Variants in CAMK2B observed in about 807,000 individuals in gnomAD.
CAMK2B encodes the protein calcium/calmodulin-dependent protein kinase type II subunit beta.
A neutral mutation model predicts 93.7 loss-of-function variants in CAMK2B; 27 were observed. The ratio of observed to expected loss-of-function variants is 0.29; its 90% CI spans 0.21 to 0.40. CAMK2B has a LOEUF of 0.40. CAMK2B is among the 10% of genes least tolerant of loss of function. CAMK2B has a pLI of 1.00. For missense variants in CAMK2B, 568 were observed against 895.8 expected (o/e 0.63, Z 4.67); for synonymous variants, 374 against 358.8 (o/e 1.04, Z -0.48).
At chr7:44,313,455 G>A (rs1052098723) in intron 1 of CAMK2B, among the ~76,000 whole-genome samples, 5 of 151,800 alleles carry the variant, frequency 3.3e-5, no homozygotes, top group African/African-American at 1.2e-4. Flanking sequence ...AGTTTCTGAT[G>A]TGACAGTCCC....
chr7:44,220,848 T>A lies in CAMK2B; in HGVS notation c.1651A>T (p.Asn551Tyr). ...CACGCGTAGGCCTCAAAGTCACCGT[T>A]GTTGACGGCCTCGATGAGCTGCTCC... Reference protein sequence around the residue: ...TTEQLIEAVNNGDFEAYAKIC... With the variant: ...TTEQLIEAVNYGDFEAYAKIC... The change falls in exon 21 of 24, where the codon AAC becomes TAC. Residue 551 changes from asparagine to tyrosine, a missense_variant. By Grantham distance (143) the Asn-to-Tyr change is moderately radical (BLOSUM62 -2). Around this residue, in one of 4 missense-constraint regions of CAMK2B, gnomAD observed 116 missense variants for 188.0 expected, o/e 0.62. Coordinates refer to ENST00000395749, the MANE Select transcript of CAMK2B (RefSeq NM_001220.5). The A allele has an allele frequency of 6.4e-7, 1 of 1,571,874 alleles. No individual in the cohort carries two copies. Among genetic ancestry groups the A allele is most frequent in the Non-Finnish European group, 8.6e-7 (1 of 1,157,662 alleles).
At chr7:44,306,758 G>T (rs1791662231) in intron 1 of CAMK2B, among the ~76,000 whole-genome samples, 2 of 151,124 alleles carry the variant, frequency 1.3e-5, no homozygotes, top group Non-Finnish European at 3.0e-5. Context: ...GGTGTGGGCA[G>T]GGGGAGGAGG....
intron 18 of CAMK2B, 142 bp from the exon 19 acceptor site, chr7:44,229,066 A>G (rs1036054095): frequency 1.2e-6 from 1 of 815,776 alleles, no homozygotes; most frequent in African/African-American, 1.7e-5. Flanking sequence ...GCCTGCCTCA[A>G]TAGCAGGGAG....
chr7:44,298,908 G>A (rs960369570), intron 1 of CAMK2B, among the ~76,000 whole-genome samples: 20 of 152,038 alleles, frequency 1.3e-4, no homozygotes, highest in Non-Finnish European at 5.9e-5. Context: ...TGTTGGTGAG[G>A]GTGTAGAGGA....
chr7:44,263,209 G>A (rs934415129), intron 2 of CAMK2B, 145 bp from the exon 3 acceptor site: 50 of 688,260 alleles, frequency 7.3e-5, no homozygotes, highest in Middle Eastern at 7.6e-4. Context: ...AACACCCTTC[G>A]TGGCACCCCC....
intron 19 of CAMK2B, among the ~76,000 whole-genome samples, chr7:44,227,807 G>A (rs1241027167): frequency 8.1e-6 from 1 of 123,170 alleles, no homozygotes; most frequent in African/African-American, 3.3e-5. Context: ...GGGGACAGAG[G>A]GAGAATGTGA....
At chr7:44,255,879 T>C (rs2096829366) in intron 4 of CAMK2B, among the ~76,000 whole-genome samples, 1 of 152,130 alleles carries the variant, frequency 6.6e-6, no homozygotes, top group Admixed American at 6.5e-5. Flanking sequence ...TCCCATTGAA[T>C]CCCCTCAAAA....
intron 6 of CAMK2B, among the ~76,000 whole-genome samples, chr7:44,246,862 G>A (rs2096736046): frequency 6.6e-6 from 1 of 151,264 alleles, no homozygotes. Context: ...ACATACAGGT[G>A]CACACACATA....
Position 44,220,832 on chromosome 7 carries a change from G to T in CAMK2B, c.1667C>A (p.Ala556Asp). 1 of 1,568,680 alleles carries T rather than the reference G, an allele frequency of 6.4e-7. No individual in the cohort carries two copies. ...CCCAGCCCCAGGGACTCACGCGTAGGCCTCAAAGTCACCGTTGTTGACGGC... is the reference window on the plus strand; with the variant it reads ...CCCAGCCCCAGGGACTCACGCGTAGTCCTCAAAGTCACCGTTGTTGACGGC... ...IEAVNNGDFE[A>D]YAKICDPGLT... The change falls in exon 21 of 24, where the codon GCC becomes GAC. Residue 556 changes from alanine to aspartate, a missense_variant. Coordinates refer to ENST00000395749, the MANE Select transcript of CAMK2B (RefSeq NM_001220.5).
chr7:44,265,245 G>A (rs1400727582), intron 2 of CAMK2B, among the ~76,000 whole-genome samples: 1 of 152,200 alleles, frequency 6.6e-6, no homozygotes. Context: ...ACTCAGGTGC[G>A]TCTCATAAGG....
chr7:44,275,087 A>G (rs932240493), intron 2 of CAMK2B, among the ~76,000 whole-genome samples: 4 of 152,184 alleles, frequency 2.6e-5, no homozygotes, highest in African/African-American at 7.2e-5. Context: ...AGTGGCTGGA[A>G]ATGCGGAAGG....
chr7:44,223,682 G>A (rs895554839), intron 20 of CAMK2B, among the ~76,000 whole-genome samples: 2 of 148,986 alleles, frequency 1.3e-5, no homozygotes, highest in African/African-American at 5.0e-5. Flanking sequence ...ACTTTCACCT[G>A]TCCTTTCCTG....
chr7:44,231,238 G>A (rs927618914), intron 16 of CAMK2B, among the ~76,000 whole-genome samples, 184 bp from the exon 17 acceptor site: 1 of 152,244 alleles, frequency 6.6e-6, no homozygotes, highest in African/African-American at 2.4e-5. Flanking sequence ...TCTGGCGGCT[G>A]CAGGGCCCCA....
At chr7:44,222,407 C>T (rs910969455) in intron 20 of CAMK2B, among the ~76,000 whole-genome samples, 35 of 152,242 alleles carry the variant, frequency 2.3e-4, no homozygotes, top group Non-Finnish European at 4.3e-4. Flanking sequence ...ATACATGCAA[C>T]CTGTCTGTGG....
intron 2 of CAMK2B, among the ~76,000 whole-genome samples, chr7:44,273,726 C>T (rs561669288): frequency 6.6e-6 from 1 of 152,336 alleles, no homozygotes; most frequent in South Asian, 2.1e-4. Flanking sequence ...GACTCCAGGG[C>T]TGCACTCTTG....
At chr7:44,244,862 G>A (rs1163851021) in intron 6 of CAMK2B, 2 of 449,668 alleles carry the variant, frequency 4.4e-6, no homozygotes, top group South Asian at 3.1e-5. Context: ...CAGCATTGGG[G>A]GCTTCTGTCC....
At chr7:44,247,742 A>T (rs1166629717) in intron 5 of CAMK2B, among the ~76,000 whole-genome samples, 1 of 152,064 alleles carries the variant, frequency 6.6e-6, no homozygotes, top group Non-Finnish European at 1.5e-5. Flanking sequence ...AAAAAGTGAA[A>T]CCTGCCTGGG....
At chr7:44,258,196 A>G (rs761612282) in intron 4 of CAMK2B, among the ~76,000 whole-genome samples, 4 of 152,206 alleles carry the variant, frequency 2.6e-5, no homozygotes, top group Non-Finnish European at 5.9e-5. Context: ...CTGCACACGC[A>G]CTCATGAAAC....
rs1316933208 is a variant in CAMK2B, at chr7:44,312,564, G to C, written c.65+12793C>G. Among the ~76,000 whole-genome samples, 1 of 152,146 alleles carries C rather than the reference G, an allele frequency of 6.6e-6. No individual in the cohort carries two copies. Among genetic ancestry groups the C allele is most frequent in the African/African-American group, 2.4e-5 (1 of 41,440 alleles). On this transcript the variant is annotated intron_variant, in intron 1 of 23. Transcript: ENST00000395749. The surrounding 1 kb of genome is among the most constrained non-coding windows in gnomAD (Gnocchi z 4.1). ...GGAGGGGCTGCCCCATAAAGTGAGG[G>C]GGGTGCCCAGTGGCCATCGTCACCA...
Sources: gnomAD v4.1 joint callset for allele counts (sites outside exome capture counted in the v4.1 genomes callset) on GRCh38, gnomAD v4.1.1 for gene constraint, gnomAD v4.1.1 regional missense constraint, Gnocchi (gnomAD v3.1) non-coding constraint, MANE v1.5 for transcripts, NCBI Gene and HGNC (gene_info 2026-07-23, HGNC 2026-07-21) for gene names.